Variants in MDGA2 observed in about 807,000 individuals in gnomAD.
MDGA2 encodes MAM domain containing glycosylphosphatidylinositol anchor 2.
In MDGA2, 40 loss-of-function variants were observed where a neutral mutation model predicts 117.8. The observed-to-expected ratio is 0.34, with a 90% confidence interval of 0.26 to 0.44. MDGA2 has a LOEUF of 0.44. Ranked by LOEUF, MDGA2 falls within the 20% of genes least tolerant of loss-of-function variation. The pLI, the probability that MDGA2 is intolerant of heterozygous loss-of-function variation, is 1.00. For synonymous variants in MDGA2, 452 were observed against 439.0 expected (o/e 1.03, Z -0.37); for missense variants, 1,123 against 1,250.6 (o/e 0.90, Z 1.54).
rs200086242 is a variant in MDGA2 at position 47,636,971 on chromosome 14, CA to C, written c.280+37545del. Reference sequence around the variant, plus strand: ...TGGGTGACAGAGCGAGACTCTGTCTCAAAAAAAAAAAATTAAAAAAATGAAT... The same window carrying C: ...TGGGTGACAGAGCGAGACTCTGTCTCAAAAAAAAAAATTAAAAAAATGAAT... On this transcript the variant is annotated intron_variant, in intron 1 of 16. Coordinates refer to ENST00000399232, the MANE Select transcript of MDGA2 (RefSeq NM_001113498.3). Among the ~76,000 whole-genome samples the C allele has an allele frequency of 0.02, 2,355 of 118,834 alleles. 135 individuals carry two copies. The East Asian group carries it at 0.24, about 12-fold the overall frequency. The allele number at this position is 118,834 out of a possible 152,430, so 78.0% of individuals were successfully genotyped here.
At chr14:47,379,371 T>C (rs970373615) in intron 1 of MDGA2, among the ~76,000 whole-genome samples, 8 of 152,158 alleles carry the variant, frequency 5.3e-5, no homozygotes, top group African/African-American at 1.7e-4. Flanking sequence ...CATAACAATA[T>C]TAGCCTTAAA....
intron 9 of MDGA2, among the ~76,000 whole-genome samples, chr14:46,921,769 G>A (rs1364725752): frequency 6.6e-6 from 1 of 152,150 alleles, no homozygotes; most frequent in Non-Finnish European, 1.5e-5. Context: ...TTTAGTAGTA[G>A]CTGAGTTAGA....
chr14:47,075,048 C>T (rs905757660), intron 6 of MDGA2, among the ~76,000 whole-genome samples: 1 of 152,120 alleles, frequency 6.6e-6, no homozygotes, highest in Non-Finnish European at 1.5e-5. Flanking sequence ...CCCCGCATTT[C>T]CTTTACTCTT....
intron 1 of MDGA2, among the ~76,000 whole-genome samples, chr14:47,427,293 T>C (rs1441672729): frequency 6.6e-6 from 1 of 152,116 alleles, no homozygotes; most frequent in East Asian, 1.9e-4. Context: ...AACACAGAGA[T>C]GGATTTAAGG....
intron 1 of MDGA2, among the ~76,000 whole-genome samples, chr14:47,609,456 T>TATATATATAGATATAG (rs1434045282): frequency 2.7e-5 from 3 of 110,152 alleles, no homozygotes; most frequent in Non-Finnish European, 3.8e-5. Flanking sequence ...TATATATATA[T>TATATATATAGATATAG]ATATATATAA....
chr14:47,297,573 T>C (rs1889121277), intron 2 of MDGA2, among the ~76,000 whole-genome samples: 2 of 151,944 alleles, frequency 1.3e-5, no homozygotes, highest in Admixed American at 1.3e-4. Context: ...AGCTGAATCC[T>C]GAAGCTGTAG....
intron 1 of MDGA2, among the ~76,000 whole-genome samples, chr14:47,422,550 T>A (rs965765111): frequency 1.8e-4 from 28 of 152,326 alleles, no homozygotes; most frequent in African/African-American, 2.4e-4. Context: ...AAGGTATATT[T>A]ACATTGAATA....
intron 10 of MDGA2, among the ~76,000 whole-genome samples, chr14:46,914,468 A>G (rs561630478): frequency 6.6e-6 from 1 of 152,044 alleles, no homozygotes; most frequent in Non-Finnish European, 1.5e-5. Context: ...GATATAATGC[A>G]TTATTTTACA....
intron 15 of MDGA2, among the ~76,000 whole-genome samples, chr14:46,847,880 GA>G (rs1394430710): frequency 4.6e-5 from 7 of 151,952 alleles, no homozygotes; most frequent in Admixed American, 1.3e-4. Context: ...CTACCTGTGA[GA>G]AAATATTTTC....
At chr14:47,392,275 T>C (rs542602282) in intron 1 of MDGA2, among the ~76,000 whole-genome samples, 1 of 152,246 alleles carries the variant, frequency 6.6e-6, no homozygotes, top group South Asian at 2.1e-4. Flanking sequence ...TTAGAAATCA[T>C]TAACTTTTAT....
chr14:47,644,375 T>A (rs547028797), intron 1 of MDGA2, among the ~76,000 whole-genome samples: 2 of 152,156 alleles, frequency 1.3e-5, no homozygotes, highest in African/African-American at 2.4e-5. Flanking sequence ...CAAAATGGAA[T>A]CTTAATCATA....
chr14:47,495,585 T>C (rs987704807), intron 1 of MDGA2, among the ~76,000 whole-genome samples: 3 of 152,210 alleles, frequency 2.0e-5, no homozygotes, highest in Non-Finnish European at 4.4e-5. Flanking sequence ...GCCATCTTCA[T>C]GGTTTTGAGC....
chr14:47,591,346 T>G (rs1216038563), intron 1 of MDGA2, among the ~76,000 whole-genome samples: 1 of 151,864 alleles, frequency 6.6e-6, no homozygotes, highest in Non-Finnish European at 1.5e-5. Flanking sequence ...ATGACATTTA[T>G]AGCTGAATTC....
At chr14:47,434,991 C>T (rs1892869275) in intron 1 of MDGA2, among the ~76,000 whole-genome samples, 1 of 151,936 alleles carries the variant, frequency 6.6e-6, no homozygotes, top group Non-Finnish European at 1.5e-5. Context: ...CAAAAGTTAG[C>T]CAGGTGTGGT....
chr14:47,307,546 T>C (rs764616049), intron 1 of MDGA2, among the ~76,000 whole-genome samples: 10 of 151,878 alleles, frequency 6.6e-5, no homozygotes, highest in Non-Finnish European at 1.5e-4. Flanking sequence ...CCAGGTGTGG[T>C]GGTGGGTGCC....
At chr14:47,091,688 T>C (rs1879665068) in intron 6 of MDGA2, among the ~76,000 whole-genome samples, 1 of 152,068 alleles carries the variant, frequency 6.6e-6, no homozygotes, top group Non-Finnish European at 1.5e-5. Flanking sequence ...CAGTAAGAAT[T>C]TTCCAGCCTT....
intron 2 of MDGA2, among the ~76,000 whole-genome samples, chr14:47,299,883 G>A (rs1889216921): frequency 6.6e-6 from 1 of 152,008 alleles, no homozygotes; most frequent in Non-Finnish European, 1.5e-5. Context: ...GTTATACTTT[G>A]AAATTTTAGT....
At chr14:47,627,937 G>C (rs945604878) in intron 1 of MDGA2, among the ~76,000 whole-genome samples, 1 of 152,094 alleles carries the variant, frequency 6.6e-6, no homozygotes, top group Non-Finnish European at 1.5e-5. Context: ...ACGAACTCCG[G>C]ACACGCCACC....
intron 14 of MDGA2, among the ~76,000 whole-genome samples, chr14:46,868,550 C>G (rs1455704764): frequency 6.6e-6 from 1 of 151,938 alleles, no homozygotes; most frequent in Non-Finnish European, 1.5e-5. Context: ...GGCATATATC[C>G]TTGAGGTCCT....
Sources: gnomAD v4.1 joint callset for allele counts (sites outside exome capture counted in the v4.1 genomes callset) on GRCh38, gnomAD v4.1.1 for gene constraint, MANE v1.5 for transcripts, NCBI Gene and HGNC (gene_info 2026-07-23, HGNC 2026-07-21) for gene names.